Variants in PPP2R2C observed in about 807,000 individuals in gnomAD.
PPP2R2C encodes the protein protein phosphatase 2, regulatory subunit B, gamma.
Under a neutral mutation model 45.3 loss-of-function variants are expected in PPP2R2C, and 10 were observed. The observed-to-expected ratio is 0.22, with a 90% CI of 0.14 to 0.37. PPP2R2C has a LOEUF of 0.37. Among genes scored for constraint, PPP2R2C ranks in the 10% least tolerant of loss-of-function variants. PPP2R2C has a pLI of 1.00. For synonymous variants in PPP2R2C, 257 were observed against 245.4 expected, an observed-to-expected ratio of 1.05 and a Z score of -0.44; for missense variants, 308 against 619.7, an observed-to-expected ratio of 0.50 and a Z score of 5.34.
intron 1 of PPP2R2C, among the ~76,000 whole-genome samples, chr4:6,551,190 CA>C (rs367942612): frequency 3.3e-5 from 5 of 152,318 alleles, no homozygotes; most frequent in African/African-American, 1.2e-4. Flanking sequence ...ACCTGCCTTC[CA>C]GGGGGATTGG....
In PPP2R2C at chr4:6,329,573, G is replaced by A. The variant is rs373545478; in HGVS notation, c.961-220C>T. 2.3e-5 allele frequency among the ~76,000 whole-genome samples: 3 copies of A among 131,032 alleles called. No homozygotes were observed. The highest frequency in any genetic ancestry group is 8.8e-5 in the African/African-American group (2 of 22,710). The allele number at this position is 131,032 out of a possible 152,430, so 86.0% of individuals were successfully genotyped here. A position where few individuals can be genotyped will look rare whatever the true frequency, so the allele number is the denominator to read the frequency against. ...ACCAGGCACACGGCTGACCCCGACC[G>A]TGACACAGCCCAATACAGCCCTGCT... On this transcript the variant is annotated intron_variant, in intron 7 of 8. Transcript: ENST00000382599. This position sits in a 1 kb window ranked among gnomAD's most constrained non-coding sequence, Gnocchi z 5.8.
intron 1 of PPP2R2C, among the ~76,000 whole-genome samples, chr4:6,433,203 C>A (rs1719716392): frequency 6.6e-6 from 1 of 152,052 alleles, no homozygotes; most frequent in Non-Finnish European, 1.5e-5. Context: ...TCCCCCAACC[C>A]CGTGTTGTTC....
At chr4:6,520,058 G>A (rs1004994751) in intron 2 of PPP2R2C, among the ~76,000 whole-genome samples, 2 of 152,110 alleles carry the variant, frequency 1.3e-5, no homozygotes, top group African/African-American at 4.8e-5. Context: ...TATTCCCCAG[G>A]GAGCCCCCAA....
At chr4:6,357,948 G>A (rs374844416) in intron 5 of PPP2R2C, among the ~76,000 whole-genome samples, 24 of 152,158 alleles carry the variant, frequency 1.6e-4, no homozygotes, top group African/African-American at 5.3e-4. Context: ...TCCCCATCAA[G>A]CTACTAATGA....
At chr4:6,527,027 C>A (rs1339465291) in intron 2 of PPP2R2C, among the ~76,000 whole-genome samples, 2 of 152,138 alleles carry the variant, frequency 1.3e-5, no homozygotes, top group Non-Finnish European at 2.9e-5. Flanking sequence ...GGCTTCAATG[C>A]GGAGGAGAAG....
intron 2 of PPP2R2C, among the ~76,000 whole-genome samples, chr4:6,505,836 C>A (rs113517707): frequency 0.13 from 19,375 of 152,058 alleles, 1,449 homozygotes; most frequent in Non-Finnish European, 0.18. Flanking sequence ...CGTGGTGGTA[C>A]ACGCTTGTAA....
At chr4:6,391,255 ACCTCATTGTGGCTGTGAC>A (rs1437430898) in intron 1 of PPP2R2C, among the ~76,000 whole-genome samples, 3 of 151,920 alleles carry the variant, frequency 2.0e-5, no homozygotes, top group Admixed American at 6.5e-5. Flanking sequence ...TCCCTGTTCC[ACCTCATTGTGGCTGTGAC>A]CCTGGGCAAG....
At chr4:6,444,643 G>A (rs17779465) in intron 1 of PPP2R2C, among the ~76,000 whole-genome samples, 15,872 of 152,176 alleles carry the variant, frequency 0.1, 974 homozygotes, top group Non-Finnish European at 0.14. Context: ...CCTAAGCGGG[G>A]GCCCAGTTTC....
rs574615576 is a variant in PPP2R2C, at chr4:6,417,148, C to T, written c.71-36054G>A. Among the ~76,000 whole-genome samples the T allele has an allele frequency of 3.9e-5, 6 of 152,278 alleles. No homozygotes were observed. In the East Asian group the frequency reaches 1.2e-3, roughly 29 times the overall value. On this transcript the variant is annotated intron_variant, in intron 1 of 8. Transcript: ENST00000382599. ...TTTGCCGCCCCTTTTGGCTTATGCT[C>T]CACGGGTCCAGCCCCTGGGCGGGGA...
At chr4:6,365,655 G>C (rs1157330934) in intron 5 of PPP2R2C, among the ~76,000 whole-genome samples, 3 of 152,246 alleles carry the variant, frequency 2.0e-5, no homozygotes, top group Non-Finnish European at 4.4e-5. Context: ...CTGCACAGAA[G>C]ACAAGCTGAG....
chr4:6,481,978 CAAAAAAAAAAAAA>C (rs59905632), intron 2 of PPP2R2C, among the ~76,000 whole-genome samples: 3 of 81,144 alleles, frequency 3.7e-5, no homozygotes, highest in Admixed American at 1.6e-4. Context: ...GACTCCGTCT[CAAAAAAAAAAAAA>C]AAAAAAAAAA....
intron 2 of PPP2R2C, among the ~76,000 whole-genome samples, chr4:6,514,734 C>T (rs968014255): frequency 1.3e-5 from 2 of 152,186 alleles, no homozygotes; most frequent in African/African-American, 2.4e-5. Context: ...AACATCACAA[C>T]CTGGGTGGCC....
chr4:6,396,918 C>T (rs564953687), intron 1 of PPP2R2C, among the ~76,000 whole-genome samples: 2 of 152,272 alleles, frequency 1.3e-5, no homozygotes, highest in Admixed American at 6.5e-5. Flanking sequence ...TATTGACTCC[C>T]GCGCACTGAT....
At chr4:6,414,563 A>G (rs1266027067) in intron 1 of PPP2R2C, among the ~76,000 whole-genome samples, 1 of 152,064 alleles carries the variant, frequency 6.6e-6, no homozygotes, top group Non-Finnish European at 1.5e-5. Flanking sequence ...TGACACAGAC[A>G]GCCAGTATCT....
In PPP2R2C at chr4:6,472,194, G is replaced by A. The variant is rs745416334; in HGVS notation, c.36C>T (p.His12=). Residue 12 remains histidine, a synonymous_variant, in exon 1 of 9, where the codon CAC becomes CAT. Coordinates refer to ENST00000382599, the MANE Select transcript of PPP2R2C (RefSeq NM_020416.4). ...CATAGCTGTGGTCCCGCAGGAAGCT[G>A]TGGTTAATTTTCCGCGTGTCCGTGT... ...GEDTDTRKIN[H]SFLRDHSYVT... is the part of the protein sequence containing the mutation. 2.5e-6 allele frequency: 4 copies of A among 1,613,512 alleles called. No homozygotes were observed. The highest frequency in any genetic ancestry group is 2.5e-6 in the Non-Finnish European group (3 of 1,179,564).
intron 6 of PPP2R2C, 86 bp from the exon 7 acceptor site, chr4:6,333,817 GC>G: frequency 7.1e-7 from 1 of 1,418,160 alleles, no homozygotes; most frequent in Non-Finnish European, 9.8e-7. Flanking sequence ...TTGCACCTGG[GC>G]CCATGCTCTG....
intron 6 of PPP2R2C, among the ~76,000 whole-genome samples, chr4:6,347,362 C>T (rs1712072031): frequency 6.6e-6 from 1 of 152,124 alleles, no homozygotes; most frequent in Non-Finnish European, 1.5e-5. Context: ...CACAGCAGGC[C>T]TGTGGTGGGT....
intron 1 of PPP2R2C, among the ~76,000 whole-genome samples, chr4:6,445,618 C>A (rs1386458420): frequency 6.6e-6 from 1 of 152,214 alleles, no homozygotes; most frequent in East Asian, 1.9e-4. Context: ...CTCTGGGAGG[C>A]CCCGGCAGGG....
intron 1 of PPP2R2C, among the ~76,000 whole-genome samples, chr4:6,446,432 G>A (rs771176208): frequency 2.0e-5 from 3 of 152,162 alleles, no homozygotes; most frequent in African/African-American, 4.8e-5. Context: ...CAGGCCACGG[G>A]GGGAACAGAC....
Sources: allele counts gnomAD v4.1 joint callset (sites outside exome capture counted in the v4.1 genomes callset), GRCh38; gene constraint gnomAD v4.1.1; non-coding constraint Gnocchi (gnomAD v3.1); transcripts MANE v1.5; gene names NCBI Gene and HGNC (gene_info 2026-07-23, HGNC 2026-07-21).